ORC1: variants seen among roughly 807,000 people sequenced by gnomAD.
The protein encoded by ORC1 is origin recognition complex subunit 1.
Under a neutral mutation model 98.9 loss-of-function variants are expected in ORC1, and 61 were observed. The ratio of observed to expected loss-of-function variants is 0.62; its 90% CI spans 0.50 to 0.76. ORC1 has a LOEUF of 0.76. Ranked by LOEUF, ORC1 falls within the 30% of genes least tolerant of loss-of-function variation. ORC1 has a pLI of 0.00. For missense variants in ORC1, 979 were observed against 1,072.2 expected (o/e 0.91, Z 1.21); for synonymous variants, 385 against 406.9 (o/e 0.95, Z 0.65).
Position 52,388,560 on chromosome 1 carries a change from T to C in ORC1, c.1265A>G (p.Asp422Gly). 1 of 1,614,138 alleles carries C rather than the reference T, an allele frequency of 6.2e-7. No homozygotes were observed. Among genetic ancestry groups the C allele is most frequent in the African/African-American group, 1.3e-5 (1 of 75,052 alleles). ...PAAEISDSSS[D>G]EEEASTPPLP... Reference sequence around the variant, plus strand: ...GGGCGGTGTGGAAGCCTCTTCTTCGTCACTGCTAGAGTCTGAAATCTCTGC... The same window carrying C: ...GGGCGGTGTGGAAGCCTCTTCTTCGCCACTGCTAGAGTCTGAAATCTCTGC... Residue 422 changes from aspartate (D) to glycine (G), a missense_variant, in exon 8 of 17, where the codon GAC (aspartate) becomes GGC (glycine). Coordinates refer to ENST00000371568, the MANE Select transcript of ORC1 (RefSeq NM_004153.4).
intron 11 of ORC1, 55 bp from the exon 12 acceptor site, chr1:52,383,992 C>T (rs1647108076): frequency 4.1e-6 from 6 of 1,464,900 alleles, no homozygotes; most frequent in Admixed American, 3.3e-5. Flanking sequence ...CTCCCTTGGG[C>T]TTAAAGTTAA....
chr1:52,389,405 T>C, intron 6 of ORC1, 84 bp from the exon 7 acceptor site: 1 of 911,944 alleles, frequency 1.1e-6, no homozygotes, highest in Non-Finnish European at 1.8e-6. Context: ...TCAAGTGGCC[T>C]GATTGGCTCC....
intron 14 of ORC1, among the ~76,000 whole-genome samples, chr1:52,380,694 CAAAA>C (rs34536767): frequency 1.2e-5 from 1 of 84,230 alleles, no homozygotes; most frequent in Non-Finnish European, 2.5e-5. Context: ...GATGCTGTTT[CAAAA>C]AAAAAAAAAA....
chr1:52,390,901 GAAAAAAA>G (rs112674214), intron 6 of ORC1, among the ~76,000 whole-genome samples: 1 of 77,394 alleles, frequency 1.3e-5, no homozygotes, highest in African/African-American at 3.7e-5. Flanking sequence ...TCCAAAAAAA[GAAAAAAA>G]AAAAAAAAAA....
chr1:52,376,372 G>A (rs149654162), intron 14 of ORC1, among the ~76,000 whole-genome samples: 129 of 152,146 alleles, frequency 8.5e-4, no homozygotes, highest in African/African-American at 2.8e-3. Context: ...AAAATCAGCC[G>A]GGCATGGTGG....
chr1:52,401,451 A>G lies in ORC1; in HGVS notation c.134T>C (p.Ile45Thr), dbSNP rs759449048. The change falls in exon 3 of 17, where the codon ATT (isoleucine) becomes ACT (threonine). Residue 45 changes from isoleucine (I) to threonine (T), a missense_variant. Physicochemically the swap from Ile to Thr is moderately conservative, Grantham distance 89. Transcript: ENST00000371568. The part of the protein sequence containing the change: ...CVKTEGCSTE[I>T]HIQIGQFVLI... Reference sequence around the variant, plus strand: ...CACAAACTGTCCAATCTGGATGTGAATCTCGGTGGAACAACCTTCTGTTTT... The same window carrying G: ...CACAAACTGTCCAATCTGGATGTGAGTCTCGGTGGAACAACCTTCTGTTTT... 3.1e-6 allele frequency: 5 copies of G among 1,614,078 alleles called. No individual in the cohort carries two copies. In the African/African-American group the frequency reaches 6.7e-5, roughly 22 times the overall value.
chr1:52,402,267 A>C lies in ORC1; in HGVS notation c.-5-39T>G, dbSNP rs138767988. On this transcript the variant is annotated intron_variant, in intron 1 of 16. Coordinates refer to ENST00000371568, the MANE Select transcript of ORC1 (RefSeq NM_004153.4). Reference sequence around the variant, plus strand: ...CAAACTCTGAGTTACCATGATAAATATTTGGTATTTATCTGATGGATTCTA... The same window carrying C: ...CAAACTCTGAGTTACCATGATAAATCTTTGGTATTTATCTGATGGATTCTA... The C allele has an allele frequency of 3.4e-6, 5 of 1,468,688 alleles. No individual in the cohort carries two copies. In the African/African-American group the frequency reaches 6.9e-5, roughly 20 times the overall value. 91.0% of individuals were successfully genotyped at this position (1,468,688 alleles called of 1,614,324 possible).
In ORC1 at chr1:52,385,147, C is replaced by T; in HGVS notation, c.1583+14G>A. On this transcript the variant is annotated intron_variant, in intron 10 of 16. Transcript: ENST00000371568. ...TTATTCCCCAAACTACCCTGCCTGC[C>T]TCACATGACTCACCCTCCGGTATGG... The T allele has an allele frequency of 6.4e-7, 1 of 1,557,028 alleles. No homozygotes were observed. The highest frequency in any genetic ancestry group is 8.9e-7 in the Non-Finnish European group (1 of 1,127,920).
chr1:52,376,044 G>A (rs959622485), intron 14 of ORC1, among the ~76,000 whole-genome samples: 3 of 152,144 alleles, frequency 2.0e-5, no homozygotes, highest in East Asian at 1.9e-4. Flanking sequence ...ATTTGGGGTC[G>A]GCTTGGTCAA....
At chr1:52,396,490 C>A (rs1569949646) in intron 4 of ORC1, 126 bp from the exon 5 acceptor site, 1 of 1,142,806 alleles carries the variant, frequency 8.8e-7, no homozygotes, top group Non-Finnish European at 1.3e-6. Context: ...CCTTTCCAAT[C>A]TAAAGACGCA....
At chr1:52,379,088 A>G (rs1047847306) in intron 14 of ORC1, among the ~76,000 whole-genome samples, 15 of 152,262 alleles carry the variant, frequency 9.9e-5, no homozygotes, top group Admixed American at 2.0e-4. Context: ...ATGGAAGAGT[A>G]GCGGTTAGTG....
chr1:52,379,299 A>G (rs1388130401), intron 14 of ORC1, among the ~76,000 whole-genome samples: 1 of 145,800 alleles, frequency 6.9e-6, no homozygotes, highest in African/African-American at 2.6e-5. Flanking sequence ...GCTGGAGTGC[A>G]GCGGTGCGAT....
chr1:52,393,599 T>G lies in ORC1; in HGVS notation c.926A>C (p.Lys309Thr). The G allele has an allele frequency of 6.2e-7, 1 of 1,614,198 alleles. No individual in the cohort carries two copies. The highest frequency in any genetic ancestry group is 1.3e-5 in the African/African-American group (1 of 75,046). ...GATTATGCGATGTTCAGGTGAAGCC[T>G]TCTTGTCATCCTCAGTATAAGAGAG... ...TGLSYTEDDK[K>T]ASPEHRIILR... Residue 309 changes from lysine to threonine, a missense_variant, in exon 6 of 17, where the codon AAG becomes ACG. By Grantham distance (78) the Lys-to-Thr change is moderately conservative. Coordinates refer to ENST00000371568, the MANE Select transcript of ORC1 (RefSeq NM_004153.4).
chr1:52,400,866 A>G (rs1207837001), intron 3 of ORC1, among the ~76,000 whole-genome samples: 1 of 152,206 alleles, frequency 6.6e-6, no homozygotes, highest in African/African-American at 2.4e-5. Context: ...TTCCAACATT[A>G]ACACACAAGT....
chr1:52,377,430 G>A (rs1409839598), intron 14 of ORC1, among the ~76,000 whole-genome samples: 1 of 151,954 alleles, frequency 6.6e-6, no homozygotes, highest in African/African-American at 2.4e-5. Flanking sequence ...ACATGCCATC[G>A]CATTGGGCTA....
At chr1:52,408,720 C>A, upstream of ORC1, 3 of 1,609,128 alleles carry the variant, frequency 1.9e-6, no homozygotes, top group South Asian at 3.3e-5. Context: ...TCCTGATTGT[C>A]ATTTTTAAGC....
intron 11 of ORC1, 87 bp downstream of exon 11, chr1:52,384,463 A>G (rs1647114839): frequency 1.7e-6 from 2 of 1,179,836 alleles, no homozygotes; most frequent in African/African-American, 3.0e-5. Flanking sequence ...ATGAACATGC[A>G]ATACACGCAA....
intron 12 of ORC1, 119 bp downstream of exon 12, chr1:52,383,711 C>A: frequency 7.8e-7 from 1 of 1,282,724 alleles, no homozygotes; most frequent in African/African-American, 1.5e-5. Context: ...CGCCTCTCAG[C>A]ACCAGAAAAT....
upstream of ORC1, among the ~76,000 whole-genome samples, chr1:52,406,800 C>T (rs992821839): frequency 3.9e-5 from 6 of 152,192 alleles, no homozygotes; most frequent in African/African-American, 1.4e-4. Flanking sequence ...ACCTTCTAAA[C>T]TTTTAATCCC....
Sources: gnomAD v4.1 joint callset for allele counts (sites outside exome capture counted in the v4.1 genomes callset) on GRCh38, gnomAD v4.1.1 for gene constraint, MANE v1.5 for transcripts, NCBI Gene and HGNC (gene_info 2026-07-23, HGNC 2026-07-21) for gene names.